Variants in TRABD2A observed in about 807,000 individuals in gnomAD.
The protein encoded by TRABD2A is TraB domain containing 2A.
TRABD2A carries 43 observed loss-of-function variants against 45.6 expected under a neutral mutation model. The observed-to-expected ratio is 0.94, with a 90% CI of 0.74 to 1.22. The LOEUF (loss-of-function observed/expected upper bound fraction) is 1.22. Among genes scored for constraint, TRABD2A ranks in the 50% most tolerant of loss-of-function variants. The pLI, the probability that TRABD2A is intolerant of heterozygous loss-of-function variation, is 0.00. For missense variants in TRABD2A, 642 were observed against 652.4 expected, an observed-to-expected ratio of 0.98 and a Z score of 0.17; for synonymous variants, 269 against 265.0, an observed-to-expected ratio of 1.02 and a Z score of -0.15.
At position 84,870,465 on chromosome 2, in the gene TRABD2A, G is replaced by T. The variant is rs370950603; in HGVS notation, c.429C>A (p.Arg143=). The T allele has an allele frequency of 2.5e-6, 4 of 1,613,880 alleles. No homozygotes were observed. Among genetic ancestry groups the T allele is most frequent in the African/African-American group, 2.7e-5 (2 of 74,902 alleles). ...GGTAGTCTGCGTAGAGCCCCTTGCC[G>T]CGCTGGTCTGGGGTCATCCACAAGG... The part of the protein sequence containing the change: ...MMPLWMTPDQ[R]GKGLYADYLF... Residue 143 remains arginine, a synonymous_variant, in exon 2 of 7, where the codon CGC becomes CGA. Transcript: ENST00000409520.
intron 2 of TRABD2A, among the ~76,000 whole-genome samples, chr2:84,845,258 C>T (rs768230916): frequency 3.9e-5 from 6 of 152,142 alleles, no homozygotes; most frequent in African/African-American, 1.2e-4. Context: ...GGCTGAAGCA[C>T]GAGAATCGCT....
At chr2:84,873,966 T>C (rs982816404) in intron 1 of TRABD2A, among the ~76,000 whole-genome samples, 1 of 152,152 alleles carries the variant, frequency 6.6e-6, no homozygotes, top group Non-Finnish European at 1.5e-5. Context: ...TTCATTGTCA[T>C]CTATCAGGAC....
chr2:84,881,028 C>G lies in TRABD2A; in HGVS notation c.12G>C (p.Trp4Cys). Residue 4 changes from tryptophan (W) to cysteine (C), a missense_variant, in exon 1 of 7, where the codon TGG becomes TGC. Trp to Cys is a radical substitution (Grantham distance 215). Transcript: ENST00000409520. The part of the protein sequence containing the change: MSP[W>C]SWFLLQTLCL... ...AGAGGGTCTGCAGCAGGAACCAGCT[C>G]CAGGGACTCATCCTCCTCAAGGCGG... The G allele has an allele frequency of 6.2e-7, 1 of 1,604,104 alleles. No individual in the cohort carries two copies. Among genetic ancestry groups the G allele is most frequent in the Non-Finnish European group, 8.5e-7 (1 of 1,176,248 alleles).
intron 3 of TRABD2A, 109 bp downstream of exon 3, chr2:84,841,752 G>A: frequency 8.4e-7 from 1 of 1,189,554 alleles, no homozygotes; most frequent in Non-Finnish European, 1.1e-6. Flanking sequence ...TATTTCTAGA[G>A]CCCTCATGAC....
In TRABD2A at chr2:84,824,055, G is replaced by A. The variant is rs748069511; in HGVS notation, c.1232C>T (p.Thr411Met). Residue 411 changes from threonine (T) to methionine (M), a missense_variant, in exon 6 of 7, where the codon ACG becomes ATG. Thr to Met is a moderately conservative substitution (Grantham distance 81). Coordinates refer to ENST00000409520, the MANE Select transcript of TRABD2A (RefSeq NM_001277053.2). ...GAACCTCTGTTCGGCCTCACTGGGC[G>A]TGTCGGCACTTCCAGGCCGGGACAC... ...PLVSRPGSAD[T>M]PSEAEQRFRK... The A allele has an allele frequency of 2.9e-5, 47 of 1,613,832 alleles. No homozygotes were observed. Among genetic ancestry groups the A allele is most frequent in the East Asian group, 4.5e-5 (2 of 44,880 alleles).
intron 5 of TRABD2A, among the ~76,000 whole-genome samples, chr2:84,829,659 C>A (rs1379243424): frequency 2.7e-5 from 4 of 150,520 alleles, no homozygotes; most frequent in African/African-American, 9.8e-5. Flanking sequence ...ACACATCAGA[C>A]ATGCAGCACA....
intron 2 of TRABD2A, among the ~76,000 whole-genome samples, chr2:84,863,275 C>T (rs1350198429): frequency 9.8e-6 from 1 of 102,090 alleles, no homozygotes; most frequent in Non-Finnish European, 1.8e-5. Context: ...GACGGAGTCT[C>T]GCTCTGTCGC....
At chr2:84,871,859 C>G (rs1449860053) in intron 1 of TRABD2A, among the ~76,000 whole-genome samples, 3 of 152,180 alleles carry the variant, frequency 2.0e-5, no homozygotes, top group Non-Finnish European at 4.4e-5. Flanking sequence ...CCTAATGAGC[C>G]TATGATTTTA....
At chr2:84,823,590 C>A (rs573550308) in intron 6 of TRABD2A, among the ~76,000 whole-genome samples, 1 of 152,270 alleles carries the variant, frequency 6.6e-6, no homozygotes, top group East Asian at 1.9e-4. Context: ...CCATTCCTAC[C>A]GAGCTGCTTC....
rs1682644870 is a variant in TRABD2A, at chr2:84,865,434, GT to G, written c.669+4790del. 7.9e-5 allele frequency among the ~76,000 whole-genome samples: 12 copies of G among 152,348 alleles called. 1 individual carries two copies. In the South Asian group the frequency reaches 2.5e-3, roughly 32 times the overall value. ...AGAGCACCTCAGCGTCAACTCTGGG[GT>G]TTGCAAAAGGAGTTTTACATCCAAC... is the stretch of plus-strand genomic sequence containing the variant. On this transcript the variant is annotated intron_variant, in intron 2 of 6. Coordinates refer to ENST00000409520, the MANE Select transcript of TRABD2A (RefSeq NM_001277053.2).
At chr2:84,867,695 G>A (rs144716964) in intron 2 of TRABD2A, among the ~76,000 whole-genome samples, 21,071 of 152,072 alleles carry the variant, frequency 0.14, 1,884 homozygotes, top group African/African-American at 0.26. Context: ...ATCTGACAAA[G>A]GGCTAATATC....
rs1362530890 is a variant in TRABD2A at position 84,880,966 on chromosome 2, GC to G, written c.73del (p.Ala25ArgfsTer16). On this transcript the variant is annotated frameshift_variant, in exon 1 of 7. Transcript: ENST00000409520. LOFTEE classifies it high-confidence loss of function. ...LPTGAASRRG[A>X]PGTANCELKP... Reference sequence around the variant, plus strand: ...GAGCTCGCAGTTGGCGGTGCCGGGCGCCCCGCGCCGCGAAGCTGCGCCCGTG... The same window carrying G: ...GAGCTCGCAGTTGGCGGTGCCGGGCGCCCGCGCCGCGAAGCTGCGCCCGTG... 1.2e-6 allele frequency: 2 copies of G among 1,600,408 alleles called. No homozygotes were observed. The highest frequency in any genetic ancestry group is 1.1e-5 in the South Asian group (1 of 88,920).
intron 2 of TRABD2A, among the ~76,000 whole-genome samples, chr2:84,847,413 C>T (rs1474813357): frequency 2.0e-5 from 3 of 152,156 alleles, no homozygotes; most frequent in African/African-American, 7.2e-5. Flanking sequence ...GAAACTCCCA[C>T]CAGTTAAGTT....
intron 1 of TRABD2A, among the ~76,000 whole-genome samples, chr2:84,871,030 C>T (rs867960177): frequency 2.6e-5 from 4 of 152,078 alleles, no homozygotes; most frequent in Non-Finnish European, 4.4e-5. Flanking sequence ...GGATCACCAG[C>T]GGAGCTTTAA....
chr2:84,824,083 G>T lies in TRABD2A; in HGVS notation c.1204C>A (p.Leu402Ile), dbSNP rs548830847. ...TCGGCACTTCCAGGCCGGGACACAA[G>T]GGGAGGCAGCGTTGAGTGCCCTGAG... ...VSSGHSTLPP[L>I]VSRPGSADTP... The change falls in exon 6 of 7, where the codon CTT becomes ATT. Residue 402 changes from leucine to isoleucine, a missense_variant. Transcript: ENST00000409520. 6.2e-6 allele frequency: 10 copies of T among 1,613,778 alleles called. No individual in the cohort carries two copies. Among genetic ancestry groups the T allele is most frequent in the Non-Finnish European group, 8.5e-6 (10 of 1,179,826 alleles).
chr2:84,836,996 T>G (rs1254464236), intron 4 of TRABD2A: 2 of 144,158 alleles, frequency 1.4e-5, no homozygotes, highest in Non-Finnish European at 3.0e-5. Context: ...GTTTTTTTTT[T>G]TTTTTTTTTT....
intron 2 of TRABD2A, among the ~76,000 whole-genome samples, chr2:84,867,713 T>G (rs1269938832): frequency 7.9e-5 from 12 of 152,136 alleles, no homozygotes; most frequent in Admixed American, 2.0e-4. Flanking sequence ...ATCCAGAATC[T>G]ACAAAGAACT....
intron 2 of TRABD2A, among the ~76,000 whole-genome samples, chr2:84,863,145 GA>G (rs1475704897): frequency 6.6e-6 from 1 of 151,212 alleles, no homozygotes; most frequent in Non-Finnish European, 1.5e-5. Flanking sequence ...CTAAGAACAG[GA>G]AATAATACAT....
chr2:84,840,047 G>C (rs1681655286), intron 3 of TRABD2A, among the ~76,000 whole-genome samples: 1 of 151,848 alleles, frequency 6.6e-6, no homozygotes, highest in African/African-American at 2.4e-5. Flanking sequence ...CCTCCCCCTG[G>C]GTGCATGCTC....
Sources: allele counts gnomAD v4.1 joint callset (sites outside exome capture counted in the v4.1 genomes callset), GRCh38; gene constraint gnomAD v4.1.1; transcripts MANE v1.5; gene names NCBI Gene and HGNC (gene_info 2026-07-23, HGNC 2026-07-21).